The following SLC26A7 variants were observed in gnomAD, a reference collection of about 807,000 sequenced individuals.
SLC26A7 encodes anion exchange transporter.
SLC26A7 carries 59 observed loss-of-function variants against 82.5 expected under a neutral mutation model. That is an observed-to-expected ratio of 0.72 (90% CI 0.58 to 0.89). The LOEUF (loss-of-function observed/expected upper bound fraction) is 0.89. SLC26A7 is among the 40% of genes least tolerant of loss of function. The probability of loss-of-function intolerance (pLI) is 0.00; values close to 1 mark genes in which losing one functional copy is unlikely to be tolerated. For missense variants in SLC26A7, 820 were observed against 793.0 expected (o/e 1.03, Z -0.41); for synonymous variants, 271 against 274.3 (o/e 0.99, Z 0.12).
chr8:91,318,526 T>TA, intron 5 of SLC26A7, 146 bp downstream of exon 5: 1 of 587,836 alleles, frequency 1.7e-6, no homozygotes. Flanking sequence ...GAGTGTGACT[T>TA]AAGGTATGCA....
intron 14 of SLC26A7, among the ~76,000 whole-genome samples, chr8:91,369,002 T>G (rs1052197004): frequency 6.6e-6 from 1 of 152,130 alleles, no homozygotes; most frequent in African/African-American, 2.4e-5. Context: ...GCCTTTAAGA[T>G]AAAAACTGAT....
chr8:91,307,963 C>T (rs1296632686), intron 4 of SLC26A7, among the ~76,000 whole-genome samples: 1 of 152,070 alleles, frequency 6.6e-6, no homozygotes, highest in Non-Finnish European at 1.5e-5. Context: ...CCTTCCAAAG[C>T]ACTGGGATTA....
At chr8:91,306,736 G>C (rs1325093125) in intron 4 of SLC26A7, among the ~76,000 whole-genome samples, 2 of 150,270 alleles carry the variant, frequency 1.3e-5, no homozygotes, top group African/African-American at 4.9e-5. Context: ...TTGAGACAGA[G>C]TCTCACTCTG....
rs768189319 is a variant in SLC26A7, at chr8:91,396,548, T to G, written c.*1451T>G. 4.6e-5 allele frequency: 7 copies of G among 152,030 alleles called. No individual in the cohort carries two copies. Among genetic ancestry groups the G allele is most frequent in the Non-Finnish European group, 8.8e-5 (6 of 67,898 alleles). 9.4% of individuals were successfully genotyped at this position (152,030 alleles called of 1,614,324 possible). ...TAACATTAAATCGTAGGTAGGGCAA[T>G]GTAGTAAAATGAAAGAGAATTAAGA... On this transcript the variant is annotated 3_prime_UTR_variant, in exon 19 of 19. Transcript: ENST00000276609.
At chr8:91,326,526 G>A (rs1163276215) in intron 5 of SLC26A7, among the ~76,000 whole-genome samples, 1 of 151,952 alleles carries the variant, frequency 6.6e-6, no homozygotes, top group Non-Finnish European at 1.5e-5. Context: ...CCACCCTAAT[G>A]GCTTCCTTTT....
intron 2 of SLC26A7, among the ~76,000 whole-genome samples, chr8:91,257,241 TGAA>T (rs1478874227): frequency 2.6e-5 from 4 of 152,116 alleles, no homozygotes. Context: ...TGAGCATCCA[TGAA>T]TAATAGATTT....
intron 16 of SLC26A7, among the ~76,000 whole-genome samples, chr8:91,390,102 C>T (rs1447091820): frequency 2.0e-5 from 3 of 150,300 alleles, no homozygotes; most frequent in Admixed American, 6.6e-5. Flanking sequence ...TTTTACCTCC[C>T]CACCCGCCTT....
intron 2 of SLC26A7, among the ~76,000 whole-genome samples, chr8:91,250,747 C>G (rs1014700647): frequency 9.9e-5 from 15 of 152,028 alleles, no homozygotes; most frequent in Admixed American, 9.8e-4. Context: ...ATTATAAGCA[C>G]TCTTTTAATT....
rs116929797 is a variant in SLC26A7, at chr8:91,277,751, A to G, written c.194-11385A>G. On this transcript the variant is annotated intron_variant, in intron 2 of 18. Coordinates refer to ENST00000276609, the MANE Select transcript of SLC26A7 (RefSeq NM_052832.4). ...TTTTAATGGAGGCTTTTTCAATTTT[A>G]TAGTTTAAACTTCACATATTATTAA... Among the ~76,000 whole-genome samples the G allele has an allele frequency of 1.3e-3, 194 of 152,362 alleles. 1 individual carries two copies. The highest frequency in any genetic ancestry group is 1.6e-3 in the Non-Finnish European group (106 of 68,020).
At chr8:91,311,882 G>T (rs1812499239) in intron 4 of SLC26A7, among the ~76,000 whole-genome samples, 1 of 152,072 alleles carries the variant, frequency 6.6e-6, no homozygotes, top group Non-Finnish European at 1.5e-5. Context: ...CATAAGATAA[G>T]GTAAAAATAG....
chr8:91,316,711 G>C (rs1364523564), intron 4 of SLC26A7, among the ~76,000 whole-genome samples: 1 of 151,196 alleles, frequency 6.6e-6, no homozygotes, highest in East Asian at 1.9e-4. Context: ...GCTTATACTT[G>C]TGAATGTAAT....
chr8:91,311,137 A>AC (rs1812470185), intron 4 of SLC26A7, among the ~76,000 whole-genome samples: 1 of 152,194 alleles, frequency 6.6e-6, no homozygotes, highest in Non-Finnish European at 1.5e-5. Context: ...TTCAGCAGTT[A>AC]GAGTCTAGTG....
intron 3 of SLC26A7, among the ~76,000 whole-genome samples, chr8:91,292,072 G>A (rs1016257336): frequency 2.6e-5 from 4 of 152,116 alleles, no homozygotes; most frequent in Non-Finnish European, 5.9e-5. Flanking sequence ...TTGGGAGGCC[G>A]AAGCAGGCAG....
At chr8:91,306,461 G>T (rs1807924951) in intron 4 of SLC26A7, among the ~76,000 whole-genome samples, 1 of 152,118 alleles carries the variant, frequency 6.6e-6, no homozygotes, top group African/African-American at 2.4e-5. Flanking sequence ...GAGAAATTTA[G>T]ACTTACCTGA....
At chr8:91,286,279 A>G (rs983789152) in intron 2 of SLC26A7, among the ~76,000 whole-genome samples, 10 of 152,182 alleles carry the variant, frequency 6.6e-5, no homozygotes, top group Non-Finnish European at 1.5e-4. Context: ...AGTGTTCACA[A>G]ACCCTGAGAC....
chr8:91,276,119 T>C (rs1375503583), intron 2 of SLC26A7, among the ~76,000 whole-genome samples: 1 of 152,216 alleles, frequency 6.6e-6, no homozygotes, highest in Non-Finnish European at 1.5e-5. Context: ...CATGGTGTGA[T>C]GTTTACTTAC....
chr8:91,246,747 G>T (rs1376075760), upstream of SLC26A7, among the ~76,000 whole-genome samples: 13 of 151,620 alleles, frequency 8.6e-5, no homozygotes, highest in East Asian at 1.9e-3. Flanking sequence ...AGGACATCAT[G>T]AGTATAATTA....
intron 2 of SLC26A7, among the ~76,000 whole-genome samples, chr8:91,225,905 A>T (rs1309509289): frequency 6.6e-6 from 1 of 152,064 alleles, no homozygotes; most frequent in Non-Finnish European, 1.5e-5. Flanking sequence ...CTCCCAGTCC[A>T]GCTGCTCCTC....
chr8:91,350,286 C>T (rs955934399), intron 9 of SLC26A7, among the ~76,000 whole-genome samples: 2 of 151,886 alleles, frequency 1.3e-5, no homozygotes, highest in African/African-American at 4.8e-5. Flanking sequence ...CAGGTTAGGA[C>T]AAGTGTTGTG....
Sources: gnomAD v4.1 joint callset for allele counts (sites outside exome capture counted in the v4.1 genomes callset) on GRCh38, gnomAD v4.1.1 for gene constraint, MANE v1.5 for transcripts, NCBI Gene and HGNC (gene_info 2026-07-23, HGNC 2026-07-21) for gene names.